Variants in HSDL1 observed in about 807,000 individuals in gnomAD.
HSDL1 encodes inactive hydroxysteroid dehydrogenase-like protein 1.
Under a neutral mutation model 31.5 loss-of-function variants are expected in HSDL1, and 29 were observed. That is an observed-to-expected ratio of 0.92 (90% confidence interval 0.69 to 1.26). The LOEUF (loss-of-function observed/expected upper bound fraction) is 1.26, where lower values mean the gene tolerates loss of function less well. Among genes scored for constraint, HSDL1 ranks in the 50% most tolerant of loss-of-function variants. The pLI, the probability that HSDL1 is intolerant of heterozygous loss-of-function variation, is 0.00. For synonymous variants in HSDL1, 222 were observed against 155.2 expected (o/e 1.43, Z -3.20); for missense variants, 503 against 416.6 (o/e 1.21, Z -1.81).
chr16:84,142,482 C>G (rs935995338), intron 1 of HSDL1, among the ~76,000 whole-genome samples: 23 of 118,548 alleles, frequency 1.9e-4, no homozygotes, highest in African/African-American at 6.7e-4. Flanking sequence ...GTCACCCAGG[C>G]TGGAGTGCAA....
intron 1 of HSDL1, among the ~76,000 whole-genome samples, chr16:84,144,781 C>G (rs2086825111): frequency 1.5e-5 from 1 of 65,206 alleles, no homozygotes; most frequent in African/African-American, 6.5e-5. Context: ...TGCAGCGCCG[C>G]GGCGGGGGGC....
At chr16:84,142,277 G>T (rs1318675241) in intron 1 of HSDL1, among the ~76,000 whole-genome samples, 1 of 151,896 alleles carries the variant, frequency 6.6e-6, no homozygotes, top group African/African-American at 2.4e-5. Flanking sequence ...TCTGCTTTAG[G>T]GTTTGTTTTA....
At chr16:84,131,712 G>A (rs1363729430) in intron 2 of HSDL1, among the ~76,000 whole-genome samples, 8 of 127,264 alleles carry the variant, frequency 6.3e-5, no homozygotes, top group Admixed American at 2.6e-4. Context: ...ACGGAGTCTC[G>A]CTGTCGCCCA....
At chr16:84,124,950 AATCAT>A in intron 5 of HSDL1, 1 of 395,606 alleles carries the variant, frequency 2.5e-6, no homozygotes, top group Non-Finnish European at 4.7e-6. Flanking sequence ...CCCACCAATC[AATCAT>A]AACAAATACC....
chr16:84,135,247 A>G (rs1050471686), intron 2 of HSDL1, among the ~76,000 whole-genome samples: 5 of 131,108 alleles, frequency 3.8e-5, no homozygotes, highest in South Asian at 2.2e-4. Context: ...AAGAAAAAAG[A>G]AAAAAAAAAA....
chr16:84,135,004 C>T (rs949456417), intron 2 of HSDL1, among the ~76,000 whole-genome samples: 25 of 152,124 alleles, frequency 1.6e-4, no homozygotes, highest in Admixed American at 6.5e-4. Context: ...GAGGCCGAGA[C>T]GGGCGGATCA....
At position 84,135,881 on chromosome 16, in the gene HSDL1, G is replaced by A. The variant is rs1321943627; in HGVS notation, c.-68-276C>T. On this transcript the variant is annotated intron_variant, in intron 1 of 5. Transcript: ENST00000219439. ...CCTTTTCCTATGCCTTTTTTCCTAGGGAACATTTCATCAAATGGGACAAAA... is the reference window on the plus strand; with the variant it reads ...CCTTTTCCTATGCCTTTTTTCCTAGAGAACATTTCATCAAATGGGACAAAA... Among the ~76,000 whole-genome samples, 6 of 152,300 alleles carry A rather than the reference G, an allele frequency of 3.9e-5. No individual in the cohort carries two copies. In the East Asian group the frequency reaches 7.7e-4, roughly 20 times the overall value.
chr16:84,132,429 C>G (rs1411885553), intron 2 of HSDL1, among the ~76,000 whole-genome samples: 1 of 152,174 alleles, frequency 6.6e-6, no homozygotes, highest in Admixed American at 6.5e-5. Flanking sequence ...AATGGCTTCT[C>G]AAATGACAAT....
chr16:84,142,589 C>T (rs2086778524), intron 1 of HSDL1, among the ~76,000 whole-genome samples: 1 of 152,026 alleles, frequency 6.6e-6, no homozygotes, highest in Non-Finnish European at 1.5e-5. Context: ...GCGTGTGCCA[C>T]CATGCCTGGC....
At chr16:84,143,610 G>A (rs1050436283) in intron 1 of HSDL1, among the ~76,000 whole-genome samples, 17 of 152,144 alleles carry the variant, frequency 1.1e-4, no homozygotes, top group Middle Eastern at 3.4e-3. Flanking sequence ...TATGTCATGC[G>A]TAAGTCATTT....
rs2086582487 is a variant in HSDL1 at position 84,124,467 on chromosome 16, C to T, written c.*163G>A. Reference sequence around the variant, plus strand: ...CCATCCACACACCCTTAAGGTTTTTCACAGCACTCTGACGGTATTATGTGT... The same window carrying T: ...CCATCCACACACCCTTAAGGTTTTTTACAGCACTCTGACGGTATTATGTGT... On this transcript the variant is annotated 3_prime_UTR_variant, in exon 6 of 6. Coordinates refer to ENST00000219439, the MANE Select transcript of HSDL1 (RefSeq NM_031463.5). 1.8e-6 allele frequency: 1 copy of T among 569,900 alleles called. No homozygotes were observed. Among genetic ancestry groups the T allele is most frequent in the Admixed American group, 2.9e-5 (1 of 34,946 alleles). The allele number at this position is 569,900 out of a possible 1,614,324, so 35.3% of individuals were successfully genotyped here. A position where few individuals can be genotyped will look rare whatever the true frequency, so the allele number is the denominator to read the frequency against.
rs184991954 is a variant in HSDL1 at position 84,125,640 on chromosome 16, T to G, written c.895-912A>C. On this transcript the variant is annotated intron_variant, in intron 5 of 5. Coordinates refer to ENST00000219439, the MANE Select transcript of HSDL1 (RefSeq NM_031463.5). Reference sequence around the variant, plus strand: ...AAAGGAAAAAGCCTCCAGGTACTACTGTACTGAATACCTACTTTTGCCTAA... The same window carrying G: ...AAAGGAAAAAGCCTCCAGGTACTACGGTACTGAATACCTACTTTTGCCTAA... Among the ~76,000 whole-genome samples, 204 of 152,348 alleles carry G rather than the reference T, an allele frequency of 1.3e-3. 2 individuals carry two copies. Among genetic ancestry groups the G allele is most frequent in the African/African-American group, 4.6e-3 (191 of 41,582 alleles).
At chr16:84,131,453 C>G in intron 2 of HSDL1, 126 bp from the exon 3 acceptor site, 1 of 669,598 alleles carries the variant, frequency 1.5e-6, no homozygotes, top group Admixed American at 2.6e-5. Context: ...ATAACACTAA[C>G]TTTTCAAATG....
Position 84,123,498 on chromosome 16 carries a change from G to A in HSDL1, c.*1132C>T, listed in dbSNP as rs180768540. On this transcript the variant is annotated 3_prime_UTR_variant, in exon 6 of 6. Transcript: ENST00000219439. ...TTTCAATGTTAACGCGTATTGTGAG[G>A]GTTTGTGCATAATTATCTTCACACC... 1.3e-5 allele frequency: 2 copies of A among 152,148 alleles called. No homozygotes were observed. The highest frequency in any genetic ancestry group is 6.5e-5 in the Admixed American group (1 of 15,278). 9.4% of individuals were successfully genotyped at this position (152,148 alleles called of 1,614,324 possible). A position where few individuals can be genotyped will look rare whatever the true frequency, so the allele number is the denominator to read the frequency against.
chr16:84,123,241 G>C lies in HSDL1; in HGVS notation c.*1389C>G, dbSNP rs1162581716. 6.6e-6 allele frequency: 1 copy of C among 152,186 alleles called. No homozygotes were observed. The highest frequency in any genetic ancestry group is 1.5e-5 in the Non-Finnish European group (1 of 68,042). 9.4% of individuals were successfully genotyped at this position (152,186 alleles called of 1,614,324 possible). Reference sequence around the variant, plus strand: ...TGGGCAAAATTGTGTTCATAAAACTGTGCTTAGGTCTGCTTATGATAGATT... The same window carrying C: ...TGGGCAAAATTGTGTTCATAAAACTCTGCTTAGGTCTGCTTATGATAGATT... On this transcript the variant is annotated 3_prime_UTR_variant, in exon 6 of 6. Coordinates refer to ENST00000219439, the MANE Select transcript of HSDL1 (RefSeq NM_031463.5).
At chr16:84,126,036 G>C (rs1184403521) in intron 5 of HSDL1, among the ~76,000 whole-genome samples, 1 of 151,388 alleles carries the variant, frequency 6.6e-6, no homozygotes, top group Non-Finnish European at 1.5e-5. Context: ...CGGGGAGGCG[G>C]AGCTTGCAGT....
intron 1 of HSDL1, among the ~76,000 whole-genome samples, chr16:84,143,473 G>C (rs994149205): frequency 6.6e-6 from 1 of 152,116 alleles, no homozygotes; most frequent in African/African-American, 2.4e-5. Flanking sequence ...ACTGTTAATG[G>C]GGTTGGGGTT....
chr16:84,127,716 A>AT (rs758790146), intron 5 of HSDL1, among the ~76,000 whole-genome samples: 1,942 of 124,692 alleles, frequency 0.016, 48 homozygotes, highest in African/African-American at 0.045. Context: ...TCACACTGGT[A>AT]TTTTTTTTTT....
intron 5 of HSDL1, among the ~76,000 whole-genome samples, chr16:84,129,335 G>A (rs1342397872): frequency 6.6e-6 from 1 of 151,694 alleles, no homozygotes; most frequent in Non-Finnish European, 1.5e-5. Flanking sequence ...AGCTGAGATC[G>A]CACCACTGCA....
Sources: gnomAD v4.1 joint callset for allele counts (sites outside exome capture counted in the v4.1 genomes callset) on GRCh38, gnomAD v4.1.1 for gene constraint, MANE v1.5 for transcripts, NCBI Gene and HGNC (gene_info 2026-07-23, HGNC 2026-07-21) for gene names.